ARID4A: variants seen among roughly 807,000 people sequenced by gnomAD.
The protein encoded by ARID4A is AT-rich interactive domain-containing protein 4A.
In ARID4A, 39 loss-of-function variants were observed where a neutral mutation model predicts 148.6. That is an observed-to-expected ratio of 0.26 (90% CI 0.20 to 0.34). The LOEUF is 0.34. Among genes scored for constraint, ARID4A ranks in the 10% least tolerant of loss-of-function variants. ARID4A has a pLI of 1.00. For missense variants in ARID4A, 1,265 were observed against 1,449.1 expected, an observed-to-expected ratio of 0.87 and a Z score of 2.06; for synonymous variants, 475 against 481.2, an observed-to-expected ratio of 0.99 and a Z score of 0.17.
At chr14:58,314,048 A>G (rs2032240917) in intron 5 of ARID4A, among the ~76,000 whole-genome samples, 1 of 152,210 alleles carries the variant, frequency 6.6e-6, no homozygotes. Flanking sequence ...TAACTGTCAA[A>G]ATACCTAACA....
At chr14:58,326,347 G>A (rs771432286) in intron 8 of ARID4A, among the ~76,000 whole-genome samples, 110 of 152,204 alleles carry the variant, frequency 7.2e-4, no homozygotes, top group Non-Finnish European at 8.5e-4. Flanking sequence ...TGAGGCAGGA[G>A]AATGGCATGA....
intron 11 of ARID4A, among the ~76,000 whole-genome samples, chr14:58,338,719 A>G (rs1391045447): frequency 6.6e-6 from 1 of 152,124 alleles, no homozygotes; most frequent in Non-Finnish European, 1.5e-5. Flanking sequence ...ATTTCTTTAT[A>G]TTTGGTAAAA....
rs1488822717 is a variant in ARID4A at position 58,368,657 on chromosome 14, G to C, written c.3670+1628G>C. On this transcript the variant is annotated intron_variant, in intron 23 of 23. Transcript: ENST00000355431. ...TGAGTATCCTTTATTTGAAATGCTT[G>C]GGTCTAGAAGTGTTTGGGTTTTTTA... Among the ~76,000 whole-genome samples the C allele has an allele frequency of 5.9e-5, 9 of 152,032 alleles. No homozygotes were observed. In the South Asian group the frequency reaches 1.9e-3, roughly 32 times the overall value.
At chr14:58,331,691 A>G (rs1336025255) in intron 11 of ARID4A, among the ~76,000 whole-genome samples, 1 of 152,168 alleles carries the variant, frequency 6.6e-6, no homozygotes, top group African/African-American at 2.4e-5. Flanking sequence ...GATGAAGGCT[A>G]TTTTTCTGAA....
intron 7 of ARID4A, among the ~76,000 whole-genome samples, chr14:58,319,141 C>A (rs907325452): frequency 6.6e-6 from 1 of 152,158 alleles, no homozygotes; most frequent in Non-Finnish European, 1.5e-5. Flanking sequence ...CTCACTGCAA[C>A]CTCCGCCTCC....
intron 23 of ARID4A, among the ~76,000 whole-genome samples, chr14:58,371,299 CAAGGA>C (rs1385494165): frequency 6.6e-6 from 1 of 151,952 alleles, no homozygotes; most frequent in African/African-American, 2.4e-5. Context: ...AAGAGTATTG[CAAGGA>C]AAGAGAAGAT....
chr14:58,303,539 AT>A, intron 3 of ARID4A: 1 of 471,044 alleles, frequency 2.1e-6, no homozygotes, highest in South Asian at 1.5e-5. Context: ...TCCTACCAGA[AT>A]TAAGCACCAT....
intron 9 of ARID4A, among the ~76,000 whole-genome samples, chr14:58,328,886 G>A (rs899737788): frequency 1.5e-4 from 23 of 151,488 alleles, no homozygotes; most frequent in African/African-American, 5.3e-4. Context: ...CTAGCTTCTC[G>A]GGAGGCTGAG....
chr14:58,304,651 GT>G (rs539139292), intron 3 of ARID4A, among the ~76,000 whole-genome samples: 1,754 of 151,378 alleles, frequency 0.012, 18 homozygotes, highest in Non-Finnish European at 0.018. Context: ...AATAAAGGCA[GT>G]TTTTTTTTAC....
chr14:58,347,912 G>C, intron 15 of ARID4A, 34 bp downstream of exon 15: 1 of 1,464,392 alleles, frequency 6.8e-7, no homozygotes, highest in Non-Finnish European at 9.2e-7. Flanking sequence ...TCTGGTTTAA[G>C]TATTATTTAA....
At chr14:58,366,815 T>G in intron 22 of ARID4A, 68 bp from the exon 23 acceptor site, 1 of 1,243,096 alleles carries the variant, frequency 8.0e-7, no homozygotes, top group South Asian at 1.6e-5. Context: ...AGACGTTTGA[T>G]AGAATTGTCA....
intron 3 of ARID4A, 117 bp from the exon 4 acceptor site, chr14:58,304,826 CA>C (rs1413886142): frequency 1.2e-6 from 1 of 808,762 alleles, no homozygotes; most frequent in Non-Finnish European, 2.0e-6. Context: ...ATTACATTAG[CA>C]GGGGTCACCA....
chr14:58,327,715 A>C lies in ARID4A; in HGVS notation c.583-522A>C, dbSNP rs979949572. Among the ~76,000 whole-genome samples, 41 of 152,134 alleles carry C rather than the reference A, an allele frequency of 2.7e-4. 1 individual carries two copies. Among genetic ancestry groups the C allele is most frequent in the African/African-American group, 9.7e-4 (40 of 41,430 alleles). On this transcript the variant is annotated intron_variant, in intron 8 of 23. Coordinates refer to ENST00000355431, the MANE Select transcript of ARID4A (RefSeq NM_002892.4). ...GAAATGGGGTCTCATTCTGTCACCC[A>C]GGCTGGAGTGCAGTGTTGTGAATTT...
intron 19 of ARID4A, among the ~76,000 whole-genome samples, chr14:58,363,903 A>T (rs1017061475): frequency 5.9e-5 from 9 of 152,158 alleles, no homozygotes; most frequent in Non-Finnish European, 1.3e-4. Context: ...TAAATATGAT[A>T]CTGGGGAATG....
At position 58,364,471 on chromosome 14, in the gene ARID4A, A is replaced by G; in HGVS notation, c.2382A>G (p.Gly794=). The G allele has an allele frequency of 6.2e-7, 1 of 1,613,014 alleles. No homozygotes were observed. The highest frequency in any genetic ancestry group is 1.3e-5 in the African/African-American group (1 of 75,010). The part of the protein sequence containing the change: ...KEAEKSPKGK[G]RRSKTKDLSL... Reference sequence around the variant, plus strand: ...CCGAAAAATCTCCAAAAGGAAAGGGAAGACGAAGCAAGACAAAAGATCTTT... The same window carrying G: ...CCGAAAAATCTCCAAAAGGAAAGGGGAGACGAAGCAAGACAAAAGATCTTT... Residue 794 remains glycine, a synonymous_variant, in exon 20 of 24, where the codon GGA becomes GGG. Transcript: ENST00000355431.
intron 17 of ARID4A, among the ~76,000 whole-genome samples, chr14:58,355,375 T>A (rs2034824610): frequency 6.6e-6 from 1 of 152,158 alleles, no homozygotes; most frequent in South Asian, 2.1e-4. Context: ...TAGTACTGAA[T>A]CTTATATATC....
At chr14:58,309,302 A>G in intron 5 of ARID4A, among the ~76,000 whole-genome samples, 1 of 152,156 alleles carries the variant, frequency 6.6e-6, no homozygotes, top group Non-Finnish European at 1.5e-5. Context: ...GTTGAATAGT[A>G]AACAGCACCA....
chr14:58,319,184 T>G (rs1282638883), intron 7 of ARID4A, among the ~76,000 whole-genome samples: 1 of 151,972 alleles, frequency 6.6e-6, no homozygotes, highest in Non-Finnish European at 1.5e-5. Context: ...TTCAGCCTCC[T>G]GAGAAGCTGG....
intron 8 of ARID4A, 148 bp downstream of exon 8, chr14:58,323,765 C>T: frequency 1.6e-6 from 1 of 641,798 alleles, no homozygotes; most frequent in East Asian, 2.8e-5. Context: ...TAGTCAGGTC[C>T]ATAATACTTC....
Sources: allele counts gnomAD v4.1 joint callset (sites outside exome capture counted in the v4.1 genomes callset), GRCh38; gene constraint gnomAD v4.1.1; transcripts MANE v1.5; gene names NCBI Gene and HGNC (gene_info 2026-07-23, HGNC 2026-07-21).